The following UPP2 variants were observed in gnomAD, a reference collection of about 807,000 sequenced individuals.
UPP2 encodes the protein uridine phosphorylase 2.
In UPP2, 23 loss-of-function variants were observed where a neutral mutation model predicts 26.7. That is an observed-to-expected ratio of 0.86 (90% confidence interval 0.62 to 1.22). The LOEUF (loss-of-function observed/expected upper bound fraction) is 1.22. UPP2 is among the 50% of genes most tolerant of loss of function. UPP2 has a pLI of 0.00. For synonymous variants in UPP2, 127 were observed against 141.3 expected (o/e 0.90, Z 0.72); for missense variants, 387 against 396.7 (o/e 0.98, Z 0.21).
chr2:158,024,465 A>G (rs923068203), intron 3 of UPP2, among the ~76,000 whole-genome samples: 1 of 152,332 alleles, frequency 6.6e-6, no homozygotes, highest in South Asian at 2.1e-4. Context: ...GGGAAAAATC[A>G]GGTCTAAGTG....
chr2:158,106,311 C>A lies in UPP2; in HGVS notation c.180+95C>A, dbSNP rs10189273. 3.6e-3 allele frequency: 3,731 copies of A among 1,032,932 alleles called. 92 individuals carry two copies. The African/African-American group carries it at 0.051, about 14-fold the overall frequency. The allele number at this position is 1,032,932 out of a possible 1,614,324, so 64.0% of individuals were successfully genotyped here. A position where few individuals can be genotyped will look rare whatever the true frequency, so the allele number is the denominator to read the frequency against. ...AAATAATCTATACACCTTTGGCTAG[C>A]ACAGTCCCAATAGGAACTGAAGTCA... On this transcript the variant is annotated intron_variant, in intron 2 of 6. Coordinates refer to ENST00000005756, the MANE Select transcript of UPP2 (RefSeq NM_173355.4).
intron 2 of UPP2, among the ~76,000 whole-genome samples, chr2:158,012,421 C>T (rs1046539910): frequency 6.6e-6 from 1 of 151,882 alleles, no homozygotes; most frequent in Non-Finnish European, 1.5e-5. Flanking sequence ...GCACGTGCCA[C>T]CACACCTGGC....
chr2:158,134,883 G>T lies in UPP2; in HGVS notation c.947G>T (p.Cys316Phe), dbSNP rs758753988. 1 of 1,612,798 alleles carries T rather than the reference G, an allele frequency of 6.2e-7. No individual in the cohort carries two copies. Among genetic ancestry groups the T allele is most frequent in the South Asian group, 1.1e-5 (1 of 90,856 alleles). ...TTCATCAGACGGCGGCTTGGACTTT[G>T]TGACTAGACGTCCTAACTGGGCAGC... is the stretch of plus-strand genomic sequence containing the variant. ...SNFIRRRLGL[C>F]D Residue 316 changes from cysteine to phenylalanine, a missense_variant, in exon 7 of 7, where the codon TGT (cysteine) becomes TTT (phenylalanine). Coordinates refer to ENST00000005756, the MANE Select transcript of UPP2 (RefSeq NM_173355.4).
chr2:158,013,832 G>T (rs1356997325), intron 2 of UPP2, among the ~76,000 whole-genome samples: 1 of 152,214 alleles, frequency 6.6e-6, no homozygotes, highest in Non-Finnish European at 1.5e-5. Context: ...TGTGCGGCTT[G>T]CTTGTGTGAA....
intron 2 of UPP2, among the ~76,000 whole-genome samples, chr2:157,998,324 G>A (rs1396741395): frequency 6.6e-6 from 1 of 152,032 alleles, no homozygotes; most frequent in African/African-American, 2.4e-5. Flanking sequence ...AAACCTCGAA[G>A]ACTTTCCCTT....
intron 3 of UPP2, among the ~76,000 whole-genome samples, chr2:158,086,087 T>G (rs1682810165): frequency 6.6e-6 from 1 of 152,094 alleles, no homozygotes; most frequent in Admixed American, 6.5e-5. Context: ...GCACGAATTC[T>G]TCTTTGAATG....
intron 3 of UPP2, among the ~76,000 whole-genome samples, chr2:158,048,456 T>C (rs1682084857): frequency 6.6e-6 from 1 of 152,046 alleles, no homozygotes; most frequent in Non-Finnish European, 1.5e-5. Flanking sequence ...AAAATAAAAT[T>C]ACCCAGGCAT....
At chr2:158,041,468 T>A (rs895900033) in intron 3 of UPP2, among the ~76,000 whole-genome samples, 4 of 135,596 alleles carry the variant, frequency 2.9e-5, no homozygotes, top group African/African-American at 1.3e-4. Flanking sequence ...TCCCCGAGAG[T>A]CTCTTTTAAT....
chr2:158,077,990 G>A (rs776746003), intron 3 of UPP2, among the ~76,000 whole-genome samples: 3 of 151,834 alleles, frequency 2.0e-5, no homozygotes, highest in African/African-American at 4.8e-5. Flanking sequence ...TGGACATTTC[G>A]CAAAAGAAGA....
chr2:158,015,799 A>G lies in UPP2; in HGVS notation c.62-2A>G, dbSNP rs771715752. ...CTCTCTCTCCTGCTCCACCATGGTAAGATGTGCCTGCTTCCCCTTCAACTT... is the reference window on the plus strand; with the variant it reads ...CTCTCTCTCCTGCTCCACCATGGTAGGATGTGCCTGCTTCCCCTTCAACTT... On this transcript the variant is annotated splice_acceptor_variant, in intron 2 of 9. Coordinates refer to the UPP2 transcript ENST00000605860. LOFTEE classifies it high-confidence loss of function. 1 of 453,634 alleles carries G rather than the reference A, an allele frequency of 2.2e-6. No individual in the cohort carries two copies. The highest frequency in any genetic ancestry group is 1.6e-5 in the South Asian group (1 of 64,410). 28.1% of individuals were successfully genotyped at this position (453,634 alleles called of 1,614,324 possible). A position where few individuals can be genotyped will look rare whatever the true frequency, so the allele number is the denominator to read the frequency against.
intron 2 of UPP2, among the ~76,000 whole-genome samples, chr2:158,108,887 C>CGTGT (rs748328980): frequency 0.089 from 11,835 of 132,930 alleles, 402 homozygotes; most frequent in East Asian, 0.14. Context: ...GAGGCAAAAG[C>CGTGT]GTGTGTGTGT....
chr2:158,090,508 C>A (rs948144822), intron 3 of UPP2, among the ~76,000 whole-genome samples: 12 of 150,444 alleles, frequency 8.0e-5, no homozygotes, highest in East Asian at 1.9e-4. Flanking sequence ...CTCAAAAAAA[C>A]CCAAAAAACC....
At chr2:158,096,669 A>T (rs952584822) in intron 3 of UPP2, among the ~76,000 whole-genome samples, 5 of 152,318 alleles carry the variant, frequency 3.3e-5, no homozygotes, top group African/African-American at 1.2e-4. Flanking sequence ...AAATTGCTGT[A>T]ATGTCATATA....
rs372390669 is a variant in UPP2 at position 158,123,907 on chromosome 2, G to T, written c.811+12G>T. 3 of 1,611,114 alleles carry T rather than the reference G, an allele frequency of 1.9e-6. No homozygotes were observed. The highest frequency in any genetic ancestry group is 2.2e-5 in the East Asian group (1 of 44,872). On this transcript the variant is annotated intron_variant, in intron 6 of 6. Transcript: ENST00000005756. ...CTGTGGTCTAAAAGGTAAGCTTTTC[G>T]TGAATGCTTAGGGTCAAATTCTCCT...
intron 3 of UPP2, among the ~76,000 whole-genome samples, chr2:158,016,593 G>A (rs370703301): frequency 7.2e-5 from 11 of 152,032 alleles, no homozygotes; most frequent in Admixed American, 2.6e-4. Flanking sequence ...TGCCTGCCTC[G>A]GCATCTAAAG....
chr2:158,020,217 G>A lies in UPP2; in HGVS notation c.147+4331G>A, dbSNP rs552179814. On this transcript the variant is annotated intron_variant, in intron 3 of 9. Coordinates refer to the UPP2 transcript ENST00000605860. ...GAGCGAGTGTTTTCGAAGTGTTTGA[G>A]TGGACTAAAATGCAGGTCTGTGTTC... is the stretch of plus-strand genomic sequence containing the variant. Among the ~76,000 whole-genome samples, 24 of 152,332 alleles carry A rather than the reference G, an allele frequency of 1.6e-4. No individual in the cohort carries two copies. The East Asian group carries it at 4.0e-3, about 26-fold the overall frequency.
chr2:158,009,854 G>A (rs1361930495), intron 2 of UPP2, among the ~76,000 whole-genome samples: 2 of 152,214 alleles, frequency 1.3e-5, no homozygotes, highest in East Asian at 3.8e-4. Context: ...GTAAGGCAAA[G>A]GGCTATGCAG....
chr2:158,071,356 G>T (rs1261933199), intron 3 of UPP2, among the ~76,000 whole-genome samples: 2 of 152,070 alleles, frequency 1.3e-5, no homozygotes, highest in East Asian at 3.9e-4. Flanking sequence ...TACAAGACCA[G>T]CCTGGCCAAC....
chr2:158,028,649 A>T (rs1299357284), intron 3 of UPP2, among the ~76,000 whole-genome samples: 8 of 152,198 alleles, frequency 5.3e-5, no homozygotes, highest in African/African-American at 1.2e-4. Flanking sequence ...TTCTGGTACC[A>T]ACTTACTGAA....
Sources: allele counts gnomAD v4.1 joint callset (sites outside exome capture counted in the v4.1 genomes callset), GRCh38; gene constraint gnomAD v4.1.1; transcripts MANE v1.5; gene names NCBI Gene and HGNC (gene_info 2026-07-23, HGNC 2026-07-21).